EDA: variants seen among roughly 807,000 people sequenced by gnomAD.
EDA encodes ectodysplasin-A.
In EDA, 2 loss-of-function variants were observed where a neutral mutation model predicts 23.6. The ratio of observed to expected loss-of-function variants is 0.08; its 90% CI spans 0.03 to 0.27. EDA has a LOEUF of 0.27. Among genes scored for constraint, EDA ranks in the 10% least tolerant of loss-of-function variants. The pLI is 1.00. For synonymous variants in EDA, 131 were observed against 132.0 expected (o/e 0.99, Z 0.05); for missense variants, 229 against 324.2 (o/e 0.71, Z 2.26).
chrX:69,872,830 T>C (rs2017587286), intron 1 of EDA, among the ~76,000 whole-genome samples: 1 of 111,400 alleles, frequency 9.0e-6, no homozygotes, highest in African/African-American at 3.3e-5. Context: ...CTGACAGCAC[T>C]AGACAGGTCA....
At chrX:69,700,060 C>A (rs1244642557) in intron 1 of EDA, among the ~76,000 whole-genome samples, 5 of 110,791 alleles carry the variant, frequency 4.5e-5, no homozygotes, top group African/African-American at 1.6e-4. Context: ...AGATAGGTGA[C>A]TGAGGGGGTG....
intron 1 of EDA, among the ~76,000 whole-genome samples, chrX:69,919,646 A>T (rs907624659): frequency 3.6e-5 from 4 of 112,150 alleles, no homozygotes; most frequent in African/African-American, 1.3e-4. Flanking sequence ...TTTTGGATTT[A>T]CTGTGAATTT....
chrX:69,947,034 T>C (rs1010652657), intron 1 of EDA, among the ~76,000 whole-genome samples: 3 of 112,743 alleles, frequency 2.7e-5, no homozygotes, highest in Non-Finnish European at 5.6e-5. Flanking sequence ...ATTTAATTTA[T>C]AAGCTACTCA....
intron 1 of EDA, among the ~76,000 whole-genome samples, chrX:69,696,755 G>C (rs1167388130): frequency 8.9e-6 from 1 of 111,950 alleles, no homozygotes; most frequent in African/African-American, 3.2e-5. Flanking sequence ...ATAATTTCTA[G>C]AACACGTGCT....
At chrX:69,713,758 C>G (rs938473582) in intron 1 of EDA, among the ~76,000 whole-genome samples, 6 of 111,599 alleles carry the variant, frequency 5.4e-5, no homozygotes, top group Non-Finnish European at 1.1e-4. Flanking sequence ...GTTTGTTTAA[C>G]CAGTCACCTG....
At chrX:70,007,615 G>A (rs759010326) in intron 2 of EDA, among the ~76,000 whole-genome samples, 2 of 111,263 alleles carry the variant, frequency 1.8e-5, no homozygotes, top group Admixed American at 1.9e-4. Context: ...CCAGTCTTGG[G>A]TATGTCTTCA....
chrX:69,949,903 T>A (rs951110017), intron 1 of EDA, among the ~76,000 whole-genome samples: 1 of 110,614 alleles, frequency 9.0e-6, no homozygotes, highest in Non-Finnish European at 1.9e-5. Context: ...GAAACTGAAA[T>A]TGGATCCCTT....
intron 1 of EDA, among the ~76,000 whole-genome samples, chrX:69,777,878 T>G (rs1303088702): frequency 1.8e-5 from 2 of 112,310 alleles, no homozygotes; most frequent in Non-Finnish European, 3.8e-5. Flanking sequence ...ATGTGGATGT[T>G]GAATATGTAG....
At chrX:69,753,872 T>C (rs182493604) in intron 1 of EDA, among the ~76,000 whole-genome samples, 62 of 102,135 alleles carry the variant, frequency 6.1e-4, no homozygotes, top group African/African-American at 2.2e-3. Flanking sequence ...TTAAAGTCTG[T>C]TTTATCAGAG....
At chrX:69,779,985 G>A (rs2014893302) in intron 1 of EDA, among the ~76,000 whole-genome samples, 1 of 111,006 alleles carries the variant, frequency 9.0e-6, no homozygotes, top group Non-Finnish European at 1.9e-5. Context: ...TTTCTCTGAG[G>A]GCTTTGTCAG....
intron 1 of EDA, among the ~76,000 whole-genome samples, chrX:69,699,001 G>C (rs1189411290): frequency 9.0e-6 from 1 of 111,614 alleles, no homozygotes; most frequent in African/African-American, 3.3e-5. Context: ...CATTTACCGG[G>C]CAGCATGTGA....
intron 1 of EDA, among the ~76,000 whole-genome samples, chrX:69,688,576 T>C (rs1235018379): frequency 1.8e-5 from 2 of 110,718 alleles, no homozygotes; most frequent in Non-Finnish European, 3.8e-5. Flanking sequence ...AATTTTTGTA[T>C]TTTTAGTAGA....
At chrX:69,948,246 T>C (rs1378628118) in intron 1 of EDA, among the ~76,000 whole-genome samples, 1 of 112,375 alleles carries the variant, frequency 8.9e-6, no homozygotes, top group Non-Finnish European at 1.9e-5. Flanking sequence ...ACTTTTTTTA[T>C]TTTCCTTTCT....
chrX:69,915,996 C>G (rs765782695), intron 1 of EDA, among the ~76,000 whole-genome samples: 1 of 111,798 alleles, frequency 8.9e-6, no homozygotes, highest in Admixed American at 9.5e-5. Context: ...ACAAGATAGT[C>G]TTCAACATCT....
intron 2 of EDA, among the ~76,000 whole-genome samples, chrX:69,978,213 GTGAGGC>G (rs1246305955): frequency 9.6e-6 from 1 of 104,110 alleles, no homozygotes; most frequent in East Asian, 3.0e-4. Flanking sequence ...GCCCAGCCCA[GTGAGGC>G]ACGCCTGTAA....
At chrX:69,829,592 G>A (rs927289114) in intron 1 of EDA, among the ~76,000 whole-genome samples, 11 of 111,606 alleles carry the variant, frequency 9.9e-5, no homozygotes, top group Non-Finnish European at 3.8e-5. Flanking sequence ...TGGTTACATG[G>A]GCTTCATCCA....
intron 1 of EDA, among the ~76,000 whole-genome samples, chrX:69,752,342 T>G (rs1040798522): frequency 3.0e-4 from 34 of 111,674 alleles, no homozygotes; most frequent in African/African-American, 1.0e-3. Flanking sequence ...AATCATGTGG[T>G]TTTTGTCTTT....
chrX:69,861,392 T>C (rs2017381838), intron 1 of EDA, among the ~76,000 whole-genome samples: 1 of 111,251 alleles, frequency 9.0e-6, no homozygotes, highest in Non-Finnish European at 1.9e-5. Context: ...AATTCTAGGG[T>C]GAACAATAAA....
intron 1 of EDA, among the ~76,000 whole-genome samples, chrX:69,754,992 G>A (rs1399580492): frequency 1.8e-5 from 2 of 111,736 alleles, no homozygotes; most frequent in Admixed American, 9.5e-5. Context: ...TTTGCGATGG[G>A]TTTGAACGTC....
Sources: gnomAD v4.1 joint callset for allele counts (sites outside exome capture counted in the v4.1 genomes callset) on GRCh38, gnomAD v4.1.1 for gene constraint, MANE v1.5 for transcripts, NCBI Gene and HGNC (gene_info 2026-07-23, HGNC 2026-07-21) for gene names.